Variants in SGCZ observed in about 807,000 individuals in gnomAD.
The protein encoded by SGCZ is zeta-sarcoglycan.
Under a neutral mutation model 41.3 loss-of-function variants are expected in SGCZ, and 40 were observed. The ratio of observed to expected loss-of-function variants is 0.97; its 90% CI spans 0.75 to 1.26. The LOEUF (loss-of-function observed/expected upper bound fraction) is 1.26, where lower values mean the gene tolerates loss of function less well. Among genes scored for constraint, SGCZ ranks in the 50% most tolerant of loss-of-function variants. The pLI is 0.00. For synonymous variants in SGCZ, 206 were observed against 137.5 expected (o/e 1.50, Z -3.49); for missense variants, 552 against 369.8 (o/e 1.49, Z -4.04).
At chr8:14,347,793 T>C (rs536309076) in intron 2 of SGCZ, among the ~76,000 whole-genome samples, 125 of 152,228 alleles carry the variant, frequency 8.2e-4, no homozygotes, top group Middle Eastern at 3.4e-3. Flanking sequence ...TTACACTGTC[T>C]GTGTACTTTT....
chr8:14,461,694 C>T (rs1257003149), intron 2 of SGCZ, among the ~76,000 whole-genome samples: 1 of 152,062 alleles, frequency 6.6e-6, no homozygotes, highest in African/African-American at 2.4e-5. Flanking sequence ...TTTAGACTAG[C>T]AAGATATTCA....
chr8:14,280,453 A>G (rs147270433), intron 3 of SGCZ, among the ~76,000 whole-genome samples: 2 of 151,980 alleles, frequency 1.3e-5, no homozygotes, highest in African/African-American at 4.8e-5. Flanking sequence ...TATTGCTATT[A>G]ATAAATTTTT....
intron 2 of SGCZ, among the ~76,000 whole-genome samples, chr8:14,449,672 C>T (rs1800535938): frequency 6.6e-6 from 1 of 152,096 alleles, no homozygotes; most frequent in Non-Finnish European, 1.5e-5. Flanking sequence ...CCCGCTTGGC[C>T]TTTCACCCTC....
At chr8:15,060,067 T>C (rs1280704546) in intron 1 of SGCZ, among the ~76,000 whole-genome samples, 2 of 152,122 alleles carry the variant, frequency 1.3e-5, no homozygotes, top group African/African-American at 2.4e-5. Flanking sequence ...TGAGAAAACG[T>C]CTCCCTTTGG....
chr8:14,358,429 A>C (rs1012936289), intron 2 of SGCZ, among the ~76,000 whole-genome samples: 1 of 152,134 alleles, frequency 6.6e-6, no homozygotes, highest in Non-Finnish European at 1.5e-5. Flanking sequence ...TCATTACGTA[A>C]GAAGTCTTAC....
intron 1 of SGCZ, among the ~76,000 whole-genome samples, chr8:15,004,829 T>G (rs529665297): frequency 1.3e-5 from 2 of 152,218 alleles, no homozygotes; most frequent in Admixed American, 6.5e-5. Context: ...CAACACTAGG[T>G]GACAATGAGG....
chr8:14,956,472 T>C (rs952183932), intron 1 of SGCZ, among the ~76,000 whole-genome samples: 5 of 152,198 alleles, frequency 3.3e-5, no homozygotes, highest in African/African-American at 1.2e-4. Context: ...GTTTATATTT[T>C]ACATATTTTT....
chr8:15,008,942 CAA>C (rs1181939080), intron 1 of SGCZ, among the ~76,000 whole-genome samples: 1 of 152,088 alleles, frequency 6.6e-6, no homozygotes, highest in East Asian at 1.9e-4. Flanking sequence ...ATAACATACA[CAA>C]ACACACATGC....
chr8:14,111,069 C>A (rs1802356838), intron 5 of SGCZ, among the ~76,000 whole-genome samples: 1 of 127,806 alleles, frequency 7.8e-6, no homozygotes, highest in African/African-American at 3.1e-5. Context: ...ATAACAACAA[C>A]AACAACAACA....
At chr8:14,120,624 T>G (rs1401237491) in intron 5 of SGCZ, among the ~76,000 whole-genome samples, 2 of 151,980 alleles carry the variant, frequency 1.3e-5, no homozygotes, top group Non-Finnish European at 2.9e-5. Flanking sequence ...ATGGTTCACA[T>G]AAAATATGGT....
At chr8:14,654,594 CAG>C (rs1438456333) in intron 1 of SGCZ, among the ~76,000 whole-genome samples, 5 of 151,944 alleles carry the variant, frequency 3.3e-5, no homozygotes, top group African/African-American at 1.2e-4. Flanking sequence ...TGTTTTGAGA[CAG>C]AGTCTCGCTC....
intron 3 of SGCZ, among the ~76,000 whole-genome samples, chr8:14,318,605 T>G (rs1801803554): frequency 6.6e-6 from 1 of 151,952 alleles, no homozygotes; most frequent in Non-Finnish European, 1.5e-5. Context: ...TGTACACCAT[T>G]GGAAGTATTC....
At chr8:15,149,478 G>A (rs1799120190) in intron 1 of SGCZ, among the ~76,000 whole-genome samples, 1 of 152,114 alleles carries the variant, frequency 6.6e-6, no homozygotes, top group African/African-American at 2.4e-5. Context: ...AAAATCTTCT[G>A]TAGCCCTGCT....
At chr8:14,309,201 G>A (rs1240324294) in intron 3 of SGCZ, 15 of 1,487,276 alleles carry the variant, frequency 1.0e-5, no homozygotes, top group Non-Finnish European at 1.3e-5. Context: ...AACCTGCTGC[G>A]GCTGATCTCT....
intron 1 of SGCZ, among the ~76,000 whole-genome samples, chr8:14,869,444 T>C (rs1804062082): frequency 6.6e-6 from 1 of 152,120 alleles, no homozygotes; most frequent in South Asian, 2.1e-4. Context: ...TATCTCAAAA[T>C]AATAAGAGCT....
At chr8:14,326,435 T>G (rs1563259071) in intron 2 of SGCZ, among the ~76,000 whole-genome samples, 1 of 152,098 alleles carries the variant, frequency 6.6e-6, no homozygotes, top group Non-Finnish European at 1.5e-5. Context: ...TAACTAAGAA[T>G]TGAAGGACTC....
At chr8:14,813,347 T>C (rs546990165) in intron 1 of SGCZ, among the ~76,000 whole-genome samples, 42 of 152,288 alleles carry the variant, frequency 2.8e-4, no homozygotes, top group African/African-American at 9.1e-4. Flanking sequence ...TGAATGTTAA[T>C]TGACCCACTT....
intron 2 of SGCZ, among the ~76,000 whole-genome samples, chr8:14,445,498 G>T (rs895177234): frequency 6.6e-6 from 1 of 152,078 alleles, no homozygotes; most frequent in Non-Finnish European, 1.5e-5. Context: ...GGACTTTAAG[G>T]AGAAGATGAC....
chr8:14,479,222 A>C (rs1411185966), intron 2 of SGCZ, among the ~76,000 whole-genome samples: 2 of 152,232 alleles, frequency 1.3e-5, no homozygotes, highest in Non-Finnish European at 2.9e-5. Context: ...GCTGAAGGCC[A>C]GAGAGCCCCT....
Sources: allele counts gnomAD v4.1 joint callset (sites outside exome capture counted in the v4.1 genomes callset), GRCh38; gene constraint gnomAD v4.1.1; transcripts MANE v1.5; gene names NCBI Gene and HGNC (gene_info 2026-07-23, HGNC 2026-07-21).